KDM4C: variants seen among roughly 807,000 people sequenced by gnomAD.
KDM4C encodes lysine demethylase 4C, also known as lysine-specific demethylase 4C.
KDM4C carries 81 observed loss-of-function variants against 129.3 expected under a neutral mutation model. That is an observed-to-expected ratio of 0.63 (90% CI 0.52 to 0.75). KDM4C has a LOEUF of 0.75. KDM4C is among the 30% of genes least tolerant of loss of function. KDM4C has a pLI of 0.00. For synonymous variants in KDM4C, 573 were observed against 456.1 expected, an observed-to-expected ratio of 1.26 and a Z score of -3.26; for missense variants, 1,457 against 1,304.0, an observed-to-expected ratio of 1.12 and a Z score of -1.81.
intron 8 of KDM4C, among the ~76,000 whole-genome samples, chr9:6,919,437 C>G (rs965854320): frequency 1.3e-4 from 20 of 151,538 alleles, no homozygotes. Flanking sequence ...ATCTTAATCC[C>G]TCTTTCCATC....
intron 20 of KDM4C, among the ~76,000 whole-genome samples, chr9:7,165,675 C>A (rs377492948): frequency 1.3e-5 from 2 of 152,156 alleles, no homozygotes; most frequent in Non-Finnish European, 2.9e-5. Context: ...ACTAGTTGGC[C>A]GATTCATCTA....
At chr9:7,045,163 G>A (rs530407252) in intron 15 of KDM4C, among the ~76,000 whole-genome samples, 2 of 152,152 alleles carry the variant, frequency 1.3e-5, no homozygotes, top group East Asian at 3.9e-4. Context: ...TCTAGAACAT[G>A]TGTACCTGTT....
intron 1 of KDM4C, among the ~76,000 whole-genome samples, chr9:6,784,836 C>G (rs1200026623): frequency 6.6e-6 from 1 of 152,202 alleles, no homozygotes; most frequent in African/African-American, 2.4e-5. Flanking sequence ...CCCTTTCAAG[C>G]CCTCTTGTGG....
At chr9:6,863,719 T>G (rs1197818153) in intron 5 of KDM4C, among the ~76,000 whole-genome samples, 2 of 144,270 alleles carry the variant, frequency 1.4e-5, no homozygotes, top group Non-Finnish European at 3.0e-5. Flanking sequence ...GGCGTGAACC[T>G]GGGAGGCAGA....
At chr9:6,964,186 C>G (rs1347606130) in intron 8 of KDM4C, among the ~76,000 whole-genome samples, 1 of 152,114 alleles carries the variant, frequency 6.6e-6, no homozygotes, top group Non-Finnish European at 1.5e-5. Flanking sequence ...GTGTGCTGCA[C>G]CCATTAACTC....
chr9:7,109,459 A>G, intron 18 of KDM4C, among the ~76,000 whole-genome samples: 1 of 152,244 alleles, frequency 6.6e-6, no homozygotes, highest in Non-Finnish European at 1.5e-5. Flanking sequence ...TCTGGTTTAT[A>G]CATTTCAATC....
chr9:6,925,230 G>C, intron 8 of KDM4C: 1 of 985,398 alleles, frequency 1.0e-6, no homozygotes, highest in Non-Finnish European at 1.2e-6. Flanking sequence ...AGCTGTGGCA[G>C]AGCTTCAGAC....
At chr9:6,832,550 C>T (rs112560161) in intron 4 of KDM4C, among the ~76,000 whole-genome samples, 4 of 141,734 alleles carry the variant, frequency 2.8e-5, no homozygotes, top group Middle Eastern at 4.0e-3. Flanking sequence ...CTCAGCCTCC[C>T]GAGTAGCTGG....
chr9:6,771,362 A>T (rs1474082692), intron 1 of KDM4C, among the ~76,000 whole-genome samples: 1 of 151,776 alleles, frequency 6.6e-6, no homozygotes, highest in Non-Finnish European at 1.5e-5. Flanking sequence ...CCCAGGCTGG[A>T]GTGCAATGTT....
chr9:6,774,132 C>T (rs1485491369), intron 1 of KDM4C, among the ~76,000 whole-genome samples: 1 of 151,988 alleles, frequency 6.6e-6, no homozygotes, highest in Non-Finnish European at 1.5e-5. Context: ...AAGTGATCCA[C>T]CTGCCTCAGC....
At chr9:6,797,368 G>A (rs1827939693) in intron 2 of KDM4C, among the ~76,000 whole-genome samples, 2 of 152,154 alleles carry the variant, frequency 1.3e-5, no homozygotes, top group South Asian at 4.1e-4. Flanking sequence ...TGCAACAGTA[G>A]TGACTTTAGC....
intron 1 of KDM4C, among the ~76,000 whole-genome samples, chr9:6,777,744 C>G (rs949558460): frequency 4.0e-5 from 6 of 151,552 alleles, no homozygotes; most frequent in Non-Finnish European, 5.9e-5. Flanking sequence ...TTTGGCTAAT[C>G]AAATGTAACA....
chr9:6,867,262 C>A (rs1467843399), intron 5 of KDM4C, among the ~76,000 whole-genome samples: 1 of 152,134 alleles, frequency 6.6e-6, no homozygotes, highest in Non-Finnish European at 1.5e-5. Context: ...GATCCGCCCA[C>A]CTCGGCCTCT....
chr9:7,063,816 G>A (rs1832042756), intron 17 of KDM4C, among the ~76,000 whole-genome samples: 1 of 152,206 alleles, frequency 6.6e-6, no homozygotes, highest in African/African-American at 2.4e-5. Flanking sequence ...GGGTTCAGAA[G>A]AATGAACAGC....
chr9:6,956,809 G>GTAGC (rs1007744152), intron 8 of KDM4C, among the ~76,000 whole-genome samples: 17 of 152,148 alleles, frequency 1.1e-4, no homozygotes, highest in African/African-American at 3.9e-4. Context: ...ATGTTTTTTG[G>GTAGC]TAGCAGAATC....
At chr9:7,148,307 C>T (rs1369065666) in intron 19 of KDM4C, among the ~76,000 whole-genome samples, 1 of 152,174 alleles carries the variant, frequency 6.6e-6, no homozygotes, top group Non-Finnish European at 1.5e-5. Context: ...TTTCTCTCCT[C>T]CTTGCCCACA....
At chr9:6,890,499 C>T (rs968130413) in intron 7 of KDM4C, among the ~76,000 whole-genome samples, 1 of 152,120 alleles carries the variant, frequency 6.6e-6, no homozygotes, top group Admixed American at 6.5e-5. Context: ...TAATAAACAG[C>T]TGATGTCTGC....
intron 2 of KDM4C, among the ~76,000 whole-genome samples, chr9:6,794,836 C>T (rs1329836295): frequency 6.6e-6 from 1 of 152,100 alleles, no homozygotes; most frequent in Non-Finnish European, 1.5e-5. Flanking sequence ...ACTCATTGCA[C>T]ATTTGGATGC....
intron 18 of KDM4C, among the ~76,000 whole-genome samples, chr9:7,122,719 C>T (rs1373755298): frequency 1.3e-5 from 2 of 152,080 alleles, no homozygotes; most frequent in Non-Finnish European, 2.9e-5. Context: ...ACATTTTGGC[C>T]ATGTCCCCAG....
Sources: gnomAD v4.1 joint callset for allele counts (sites outside exome capture counted in the v4.1 genomes callset) on GRCh38, gnomAD v4.1.1 for gene constraint, MANE v1.5 for transcripts, NCBI Gene and HGNC (gene_info 2026-07-23, HGNC 2026-07-21) for gene names.